Variants in MYO3A observed in about 807,000 individuals in gnomAD.
MYO3A encodes the protein myosin IIIA.
Under a neutral mutation model 192.7 loss-of-function variants are expected in MYO3A, and 180 were observed. That is an observed-to-expected ratio of 0.93 (90% CI 0.83 to 1.06). MYO3A has a LOEUF of 1.06. Ranked by LOEUF, MYO3A falls within the 50% of genes least tolerant of loss-of-function variation. The pLI is 0.00. For missense variants in MYO3A, 1,896 were observed against 1,905.0 expected, an observed-to-expected ratio of 1.00 and a Z score of 0.09; for synonymous variants, 628 against 645.3, an observed-to-expected ratio of 0.97 and a Z score of 0.41.
chr10:26,040,454 C>A (rs916501764), intron 10 of MYO3A, among the ~76,000 whole-genome samples: 1 of 152,134 alleles, frequency 6.6e-6, no homozygotes, highest in African/African-American at 2.4e-5. Flanking sequence ...TAGGATTTGA[C>A]ATTTTCAGCA....
chr10:26,088,521 A>C, intron 15 of MYO3A, 116 bp downstream of exon 15: 2 of 950,354 alleles, frequency 2.1e-6, no homozygotes, highest in Non-Finnish European at 3.3e-6. Context: ...CTATATGCAA[A>C]GCACTTACTA....
At chr10:26,023,573 C>G in intron 8 of MYO3A, 1 of 175,210 alleles carries the variant, frequency 5.7e-6, no homozygotes, top group Non-Finnish European at 1.2e-5. Flanking sequence ...AGAACAACAA[C>G]TCATAAGGGC....
rs72787376 is a variant in MYO3A, at chr10:26,212,456, G to A, written c.*493G>A. ...GAGGGGTGGGGAGAATTTCGAAGAT[G>A]TATTTCATCTCAAGCTTGCTCTTTC... On this transcript the variant is annotated 3_prime_UTR_variant, in exon 35 of 35. Coordinates refer to ENST00000642920, the MANE Select transcript of MYO3A (RefSeq NM_017433.5). 1,753 of 209,116 alleles carry A rather than the reference G, an allele frequency of 8.4e-3. 14 individuals carry two copies. The highest frequency in any genetic ancestry group is 0.012 in the Middle Eastern group (7 of 600). 13.0% of individuals were successfully genotyped at this position (209,116 alleles called of 1,614,324 possible).
chr10:26,202,337 C>A (rs1843714759), intron 33 of MYO3A, among the ~76,000 whole-genome samples: 3 of 152,190 alleles, frequency 2.0e-5, no homozygotes, highest in African/African-American at 7.2e-5. Flanking sequence ...CCCAGACCTA[C>A]CTGTTTATCT....
chr10:26,210,164 A>G (rs997019443), intron 34 of MYO3A, among the ~76,000 whole-genome samples: 12 of 150,756 alleles, frequency 8.0e-5, no homozygotes, highest in African/African-American at 2.2e-4. Context: ...GGAAGGAAGG[A>G]AGGGAGGGAG....
At chr10:25,956,745 T>A (rs1837569941) in intron 4 of MYO3A, among the ~76,000 whole-genome samples, 1 of 152,078 alleles carries the variant, frequency 6.6e-6, no homozygotes, top group African/African-American at 2.4e-5. Context: ...TTTTTTTCCT[T>A]TTAAAAAATT....
chr10:26,119,189 G>C (rs1838699355), intron 17 of MYO3A, among the ~76,000 whole-genome samples: 1 of 152,100 alleles, frequency 6.6e-6, no homozygotes, highest in Non-Finnish European at 1.5e-5. Context: ...AACTGAAAAA[G>C]CCTGCCCATC....
chr10:25,945,597 A>C (rs961405464), intron 2 of MYO3A, among the ~76,000 whole-genome samples: 1 of 151,892 alleles, frequency 6.6e-6, no homozygotes, highest in Non-Finnish European at 1.5e-5. Context: ...CCATTTTATC[A>C]TTTTCCCATT....
intron 2 of MYO3A, among the ~76,000 whole-genome samples, chr10:25,937,925 G>A (rs16926487): frequency 0.011 from 1,674 of 152,304 alleles, 29 homozygotes; most frequent in African/African-American, 0.037. Context: ...TGTGTGTCCA[G>A]TTCATGTGGT....
intron 17 of MYO3A, among the ~76,000 whole-genome samples, chr10:26,098,815 C>A (rs1022626716): frequency 6.6e-6 from 1 of 152,118 alleles, no homozygotes. Flanking sequence ...GTTACTGTAG[C>A]CTTGTAGTAT....
chr10:26,021,638 A>C lies in MYO3A; in HGVS notation c.721A>C (p.Lys241Gln). 1.2e-6 allele frequency: 2 copies of C among 1,614,094 alleles called. No homozygotes were observed. The highest frequency in any genetic ancestry group is 1.7e-6 in the Non-Finnish European group (2 of 1,179,964). Residue 241 changes from lysine (K) to glutamine (Q), a missense_variant, in exon 8 of 35, where the codon AAA becomes CAA. Physicochemically the swap from Lys to Gln is moderately conservative, Grantham distance 53 (BLOSUM62 1). Coordinates refer to ENST00000642920, the MANE Select transcript of MYO3A (RefSeq NM_017433.5). Reference sequence around the variant, plus strand: ...CCTTCATCCCATGAGAGCACTCTTCAAAATACCAAGGTCAGATGACTAACA... The same window carrying C: ...CCTTCATCCCATGAGAGCACTCTTCCAAATACCAAGGTCAGATGACTAACA... ...ADLHPMRALF[K>Q]IPRNPPPKLR...
intron 17 of MYO3A, among the ~76,000 whole-genome samples, chr10:26,113,944 C>A (rs1048240794): frequency 2.0e-5 from 3 of 152,170 alleles, no homozygotes; most frequent in African/African-American, 7.2e-5. Context: ...TAAGTGTCTG[C>A]AGAATTGAAC....
chr10:26,091,166 G>C (rs933089710), intron 15 of MYO3A, among the ~76,000 whole-genome samples: 1 of 152,194 alleles, frequency 6.6e-6, no homozygotes, highest in African/African-American at 2.4e-5. Context: ...AGAATGATTT[G>C]AGGAGCAGGG....
At chr10:26,185,888 C>CA (rs5783965) in intron 31 of MYO3A, among the ~76,000 whole-genome samples, 25,958 of 152,082 alleles carry the variant, frequency 0.17, 2,340 homozygotes, top group East Asian at 0.3. Context: ...AACACTTAAG[C>CA]AACTTGCTTT....
intron 10 of MYO3A, among the ~76,000 whole-genome samples, chr10:26,034,558 C>T (rs1048718661): frequency 1.3e-5 from 2 of 152,226 alleles, no homozygotes; most frequent in African/African-American, 2.4e-5. Context: ...CTAGAGTTTG[C>T]TTTTATTTAG....
intron 2 of MYO3A, among the ~76,000 whole-genome samples, chr10:25,947,389 C>CTTTTTTTTTTTTTTTTT (rs869281200): frequency 1.1e-5 from 1 of 91,858 alleles, no homozygotes; most frequent in Admixed American, 1.3e-4. Flanking sequence ...TTTTCTTTTT[C>CTTTTTTTTTTTTTTTTT]TTTTTTTTTT....
At chr10:26,116,852 A>G (rs1838537572) in intron 17 of MYO3A, among the ~76,000 whole-genome samples, 1 of 152,122 alleles carries the variant, frequency 6.6e-6, no homozygotes, top group African/African-American at 2.4e-5. Context: ...CTCCAACCCC[A>G]TTTGTAACAA....
chr10:26,039,021 T>TTTTGTTTGTTTG (rs138198989), intron 10 of MYO3A, among the ~76,000 whole-genome samples: 1 of 150,662 alleles, frequency 6.6e-6, no homozygotes, highest in South Asian at 2.1e-4. Context: ...ATGAATGAGT[T>TTTTGTTTGTTTG]TTTGTTTGTT....
intron 14 of MYO3A, among the ~76,000 whole-genome samples, chr10:26,074,629 T>A (rs1278571881): frequency 6.7e-6 from 1 of 148,312 alleles, no homozygotes; most frequent in Non-Finnish European, 1.5e-5. Context: ...TATACAATAA[T>A]GTTATATATA....
Sources: gnomAD v4.1 joint callset for allele counts (sites outside exome capture counted in the v4.1 genomes callset) on GRCh38, gnomAD v4.1.1 for gene constraint, MANE v1.5 for transcripts, NCBI Gene and HGNC (gene_info 2026-07-23, HGNC 2026-07-21) for gene names.